Variants in RBFOX1 observed in about 807,000 individuals in gnomAD.
RBFOX1 encodes the protein RNA binding fox-1 homolog 1.
A neutral mutation model predicts 57.7 loss-of-function variants in RBFOX1; 8 were observed. That is an observed-to-expected ratio of 0.14 (90% CI 0.08 to 0.25). The LOEUF (loss-of-function observed/expected upper bound fraction) is 0.25. Ranked by LOEUF, RBFOX1 falls within the 10% of genes least tolerant of loss-of-function variation. The pLI is 1.00. For missense variants in RBFOX1, 611 were observed against 548.5 expected, an observed-to-expected ratio of 1.11 and a Z score of -1.14; for synonymous variants, 326 against 222.4, an observed-to-expected ratio of 1.47 and a Z score of -4.15.
At chr16:7,018,753 A>G (rs966779243) in intron 3 of RBFOX1, among the ~76,000 whole-genome samples, 6 of 151,466 alleles carry the variant, frequency 4.0e-5, no homozygotes, top group Non-Finnish European at 8.8e-5. Context: ...ACAAACCTGC[A>G]CGTTGTGCAC....
intron 2 of RBFOX1, among the ~76,000 whole-genome samples, chr16:6,507,899 T>C (rs1048841676): frequency 6.6e-6 from 1 of 152,108 alleles, no homozygotes; most frequent in Non-Finnish European, 1.5e-5. Flanking sequence ...TACAGATGTA[T>C]TGTACAAAAT....
chr16:5,426,679 A>C (rs2067570664), intron 1 of RBFOX1, among the ~76,000 whole-genome samples: 1 of 152,222 alleles, frequency 6.6e-6, no homozygotes, highest in Non-Finnish European at 1.5e-5. Context: ...CTGGAGAGGG[A>C]ACAGCTGCTT....
chr16:7,041,765 AC>A (rs1449433297), intron 3 of RBFOX1, among the ~76,000 whole-genome samples: 1 of 152,206 alleles, frequency 6.6e-6, no homozygotes, highest in Non-Finnish European at 1.5e-5. Context: ...AAGTCATTTG[AC>A]CCAGTGCTTC....
intron 2 of RBFOX1, among the ~76,000 whole-genome samples, chr16:5,523,715 A>G (rs1010013930): frequency 4.6e-5 from 7 of 152,246 alleles, no homozygotes; most frequent in African/African-American, 1.4e-4. Flanking sequence ...GAGTTGCTGG[A>G]TCAAGTGGTA....
At chr16:6,587,306 A>G (rs895047962) in intron 2 of RBFOX1, among the ~76,000 whole-genome samples, 1 of 151,904 alleles carries the variant, frequency 6.6e-6, no homozygotes, top group Admixed American at 6.6e-5. Context: ...TTTTGAGACA[A>G]AGTCTCACTC....
rs961310814 is a variant in RBFOX1 at position 7,392,186 on chromosome 16, A to G, written c.28-125961A>G. Among the ~76,000 whole-genome samples, 6 of 152,280 alleles carry G rather than the reference A, an allele frequency of 3.9e-5. No homozygotes were observed. The South Asian group carries it at 8.3e-4, about 21-fold the overall frequency. On this transcript the variant is annotated intron_variant, in intron 4 of 15. Coordinates refer to ENST00000550418, the MANE Select transcript of RBFOX1 (RefSeq NM_018723.4). ...CTGCCTCTTCAAACATTGCATTTTC[A>G]TAATCATTTTCAGACCTCTGCCTAC...
chr16:5,936,105 C>G (rs1311736718), intron 4 of RBFOX1, among the ~76,000 whole-genome samples: 1 of 151,954 alleles, frequency 6.6e-6, no homozygotes, highest in African/African-American at 2.4e-5. Context: ...CATCATAAAC[C>G]TTCCTAGGGA....
intron 11 of RBFOX1, among the ~76,000 whole-genome samples, chr16:7,636,142 G>A (rs1293100204): frequency 6.6e-6 from 1 of 152,214 alleles, no homozygotes; most frequent in Non-Finnish European, 1.5e-5. Context: ...CCTCCACAAG[G>A]AGATAGTAAA....
intron 2 of RBFOX1, among the ~76,000 whole-genome samples, chr16:5,518,317 G>T (rs2043871291): frequency 6.6e-6 from 1 of 151,734 alleles, no homozygotes; most frequent in South Asian, 2.1e-4. Flanking sequence ...CCACATGAAA[G>T]CCCCATTGTT....
chr16:6,600,419 A>G (rs189872817), intron 2 of RBFOX1, among the ~76,000 whole-genome samples: 1 of 152,134 alleles, frequency 6.6e-6, no homozygotes, highest in East Asian at 1.9e-4. Context: ...TCAAAAGATG[A>G]CCTCTCATTC....
chr16:6,019,692 C>T lies in RBFOX1; in HGVS notation c.-427C>T, dbSNP rs2095029783. 1.5e-6 allele frequency: 2 copies of T among 1,340,292 alleles called. No individual in the cohort carries two copies. The highest frequency in any genetic ancestry group is 2.9e-4 in the Middle Eastern group (1 of 3,490). 83.0% of individuals were successfully genotyped at this position (1,340,292 alleles called of 1,614,324 possible). On this transcript the variant is annotated 5_prime_UTR_variant, in exon 1 of 16. Transcript: ENST00000550418. This position sits in a 1 kb window ranked among gnomAD's most constrained non-coding sequence, Gnocchi z 4.2. ...TCCGGAGCAGGAGAACTCCGAGCTT[C>T]TTGCCCAGGCAGAGAGAGCAGGAGC...
At chr16:5,867,215 T>A (rs1205369217) in intron 3 of RBFOX1, 1 of 911,684 alleles carries the variant, frequency 1.1e-6, no homozygotes, top group African/African-American at 1.7e-5. Context: ...CATAACAAAT[T>A]ATTGATGCCA....
At chr16:7,638,587 G>A (rs754420246) in intron 11 of RBFOX1, among the ~76,000 whole-genome samples, 30 of 152,170 alleles carry the variant, frequency 2.0e-4, no homozygotes, top group Non-Finnish European at 3.8e-4. Context: ...TCTTTGAGAT[G>A]TCTGGCCAGG....
chr16:7,382,710 C>T (rs928062460), intron 4 of RBFOX1, among the ~76,000 whole-genome samples: 24 of 152,202 alleles, frequency 1.6e-4, no homozygotes, highest in Admixed American at 1.1e-3. Flanking sequence ...CTAATTAAAA[C>T]GTTAATACAC....
intron 4 of RBFOX1, among the ~76,000 whole-genome samples, chr16:7,385,914 A>C (rs1200618901): frequency 1.8e-5 from 2 of 109,436 alleles, no homozygotes; most frequent in Non-Finnish European, 4.0e-5. Flanking sequence ...CACCATGCCC[A>C]GTTACTTATT....
chr16:5,599,410 T>C (rs1334666129), exon 3 of RBFOX1: 2 of 578,748 alleles, frequency 3.5e-6, no homozygotes, highest in African/African-American at 1.9e-5. Context: ...TTGGAGTCAC[T>C]GGGGTACATA....
chr16:6,297,336 T>G (rs1295893214), intron 1 of RBFOX1, among the ~76,000 whole-genome samples: 2 of 151,966 alleles, frequency 1.3e-5, no homozygotes, highest in East Asian at 3.9e-4. Flanking sequence ...CAAGATGGAG[T>G]TGCTCTGGTT....
At chr16:7,577,541 C>T (rs1193890772) in intron 5 of RBFOX1, among the ~76,000 whole-genome samples, 2 of 152,234 alleles carry the variant, frequency 1.3e-5, no homozygotes, top group Non-Finnish European at 2.9e-5. Context: ...GGCTGAACCT[C>T]CAGCAGTGTC....
intron 4 of RBFOX1, among the ~76,000 whole-genome samples, chr16:7,465,581 T>C (rs2150717393): frequency 6.6e-6 from 1 of 152,344 alleles, no homozygotes; most frequent in African/African-American, 2.4e-5. Flanking sequence ...ACAAAGTTAA[T>C]AGTGGTGGTA....
Sources: allele counts gnomAD v4.1 joint callset (sites outside exome capture counted in the v4.1 genomes callset), GRCh38; gene constraint gnomAD v4.1.1; non-coding constraint Gnocchi (gnomAD v3.1); transcripts MANE v1.5; gene names NCBI Gene and HGNC (gene_info 2026-07-23, HGNC 2026-07-21).